WWOX: variants seen among roughly 807,000 people sequenced by gnomAD.
WWOX encodes WW domain-containing oxidoreductase.
WWOX carries 69 observed loss-of-function variants against 46.2 expected under a neutral mutation model. The observed-to-expected ratio is 1.49, with a 90% CI of 1.23 to 1.82. WWOX has a LOEUF of 1.82. WWOX is among the 40% of genes most tolerant of loss of function. WWOX has a pLI of 0.00. For missense variants in WWOX, 919 were observed against 542.6 expected (o/e 1.69, Z -6.89); for synonymous variants, 359 against 202.6 (o/e 1.77, Z -6.56).
chr16:78,168,264 A>G (rs1279076745), intron 5 of WWOX: 1 of 152,180 alleles, frequency 6.6e-6, no homozygotes, highest in Non-Finnish European at 1.5e-5. Context: ...TTCACTGCAC[A>G]TTCCGGGATC....
intron 8 of WWOX, among the ~76,000 whole-genome samples, chr16:79,193,753 C>T (rs961243951): frequency 6.6e-6 from 1 of 152,118 alleles, no homozygotes; most frequent in Non-Finnish European, 1.5e-5. Flanking sequence ...ATTTAGGATA[C>T]CTGAAGATTG....
chr16:78,436,956 G>C (rs2083348588), intron 8 of WWOX, among the ~76,000 whole-genome samples: 1 of 152,184 alleles, frequency 6.6e-6, no homozygotes, highest in Admixed American at 6.5e-5. Context: ...CGTAGGTAAA[G>C]GCTGGGTTTC....
intron 4 of WWOX, among the ~76,000 whole-genome samples, chr16:78,160,443 G>T: frequency 6.6e-6 from 1 of 152,078 alleles, no homozygotes; most frequent in Non-Finnish European, 1.5e-5. Context: ...AATATATGTA[G>T]TTAAGGCTAT....
intron 2 of WWOX, among the ~76,000 whole-genome samples, chr16:78,108,723 C>G (rs1015753586): frequency 6.6e-6 from 1 of 152,220 alleles, no homozygotes; most frequent in African/African-American, 2.4e-5. Flanking sequence ...TGTGGTGGCT[C>G]ATGCCTGTAA....
At chr16:78,556,748 C>T (rs929815629) in intron 8 of WWOX, among the ~76,000 whole-genome samples, 1 of 152,008 alleles carries the variant, frequency 6.6e-6, no homozygotes, top group African/African-American at 2.4e-5. Flanking sequence ...TGGACTTTCG[C>T]TTTTTTGCCC....
chr16:78,536,859 C>G (rs1244196860), intron 8 of WWOX, among the ~76,000 whole-genome samples: 1 of 148,320 alleles, frequency 6.7e-6, no homozygotes, highest in Admixed American at 6.7e-5. Context: ...CAATGAAAGT[C>G]GTTTATTGAG....
chr16:78,968,631 C>G (rs1430400185), intron 8 of WWOX, among the ~76,000 whole-genome samples: 2 of 152,298 alleles, frequency 1.3e-5, no homozygotes, highest in South Asian at 4.1e-4. Context: ...ATGATGGTGA[C>G]AAAAAGCACA....
chr16:78,818,499 G>A (rs762899708), intron 8 of WWOX, among the ~76,000 whole-genome samples: 1 of 152,214 alleles, frequency 6.6e-6, no homozygotes, highest in African/African-American at 2.4e-5. Context: ...GGGAGGCCAC[G>A]GCAAGAGGAT....
chr16:78,786,077 T>A (rs73575616), intron 8 of WWOX, among the ~76,000 whole-genome samples: 3 of 152,192 alleles, frequency 2.0e-5, no homozygotes, highest in African/African-American at 7.2e-5. Flanking sequence ...TGGCTAATTG[T>A]TTTTGAATTT....
chr16:78,325,700 T>G (rs1232910974), intron 5 of WWOX, among the ~76,000 whole-genome samples: 1 of 152,268 alleles, frequency 6.6e-6, no homozygotes, highest in African/African-American at 2.4e-5. Flanking sequence ...AAGGGGCTTT[T>G]GTCACCCTGT....
At chr16:78,947,059 C>G (rs1490125635) in intron 8 of WWOX, among the ~76,000 whole-genome samples, 1 of 148,556 alleles carries the variant, frequency 6.7e-6, no homozygotes, top group Non-Finnish European at 1.5e-5. Context: ...AAGAAAGTTT[C>G]TTTTTTTAAA....
At chr16:78,180,883 CGAGA>C (rs947756039) in intron 5 of WWOX, among the ~76,000 whole-genome samples, 1 of 151,934 alleles carries the variant, frequency 6.6e-6, no homozygotes, top group Admixed American at 6.6e-5. Flanking sequence ...AGGGTGTCAT[CGAGA>C]GAGAGAAGGT....
chr16:78,920,391 T>C (rs1469822378), intron 8 of WWOX, among the ~76,000 whole-genome samples: 1 of 152,184 alleles, frequency 6.6e-6, no homozygotes, highest in Non-Finnish European at 1.5e-5. Context: ...TTCCTCCTTG[T>C]GACTGTTTTC....
At chr16:78,953,900 T>C (rs2046113231) in intron 8 of WWOX, among the ~76,000 whole-genome samples, 2 of 152,186 alleles carry the variant, frequency 1.3e-5, no homozygotes, top group Admixed American at 6.5e-5. Context: ...CTGCCTTATA[T>C]TGCGTTTATT....
intron 8 of WWOX, among the ~76,000 whole-genome samples, chr16:78,722,709 T>TG (rs1462732877): frequency 3.3e-5 from 5 of 150,238 alleles, no homozygotes; most frequent in African/African-American, 1.2e-4. Flanking sequence ...TTTTTTTTTT[T>TG]TTTTTTTTTT....
intron 5 of WWOX, among the ~76,000 whole-genome samples, chr16:78,174,981 C>T (rs886390412): frequency 7.5e-6 from 1 of 133,620 alleles, no homozygotes; most frequent in Non-Finnish European, 1.6e-5. Flanking sequence ...GAGCAAGACT[C>T]TGTCTCAAAA....
At position 78,346,596 on chromosome 16, in the gene WWOX, A is replaced by G. The variant is rs764136621; in HGVS notation, c.517-40264A>G. 1.9e-4 allele frequency among the ~76,000 whole-genome samples: 23 copies of G among 120,752 alleles called. 6 individuals carry two copies. The highest frequency in any genetic ancestry group is 5.0e-4 in the South Asian group (2 of 4,024). 79.2% of individuals were successfully genotyped at this position (120,752 alleles called of 152,430 possible). A position where few individuals can be genotyped will look rare whatever the true frequency, so the allele number is the denominator to read the frequency against. On this transcript the variant is annotated intron_variant, in intron 5 of 8. Coordinates refer to ENST00000566780, the MANE Select transcript of WWOX (RefSeq NM_016373.4). ...GGTCTTCTAAATTTTCTGTTTGGGT[A>G]CATAGTGGTATTTTGTTGTATATTT...
At chr16:79,036,826 G>C (rs368635966) in intron 8 of WWOX, among the ~76,000 whole-genome samples, 104 of 152,310 alleles carry the variant, frequency 6.8e-4, no homozygotes, top group African/African-American at 2.4e-3. Context: ...GTGCTGTAGA[G>C]ATGTTAGCAT....
intron 8 of WWOX, among the ~76,000 whole-genome samples, chr16:79,156,736 T>C (rs1397644939): frequency 1.3e-5 from 2 of 151,960 alleles, no homozygotes; most frequent in Admixed American, 6.5e-5. Context: ...GGTGGGGGCC[T>C]GTGTTCAAAG....
Sources: gnomAD v4.1 joint callset for allele counts (sites outside exome capture counted in the v4.1 genomes callset) on GRCh38, gnomAD v4.1.1 for gene constraint, MANE v1.5 for transcripts, NCBI Gene and HGNC (gene_info 2026-07-23, HGNC 2026-07-21) for gene names.